SH3BGRL2: variants seen among roughly 807,000 people sequenced by gnomAD.
The protein encoded by SH3BGRL2 is SH3 domain-binding glutamic acid-rich-like protein 2.
Under a neutral mutation model 14.8 loss-of-function variants are expected in SH3BGRL2, and 21 were observed. The observed-to-expected ratio is 1.42, with a 90% CI of 1.01 to 2.05. The LOEUF (loss-of-function observed/expected upper bound fraction) is 2.05. SH3BGRL2 is among the 30% of genes most tolerant of loss of function. The pLI, the probability that SH3BGRL2 is intolerant of heterozygous loss-of-function variation, is 0.00. For missense variants in SH3BGRL2, 147 were observed against 130.8 expected, an observed-to-expected ratio of 1.12 and a Z score of -0.61; for synonymous variants, 50 against 47.8, an observed-to-expected ratio of 1.05 and a Z score of -0.19.
intron 1 of SH3BGRL2, among the ~76,000 whole-genome samples, chr6:79,653,747 A>C (rs1329631450): frequency 2.0e-5 from 3 of 152,198 alleles, no homozygotes; most frequent in African/African-American, 4.8e-5. Flanking sequence ...GCATAAACAC[A>C]TGAAACCGAC....
intron 1 of SH3BGRL2, among the ~76,000 whole-genome samples, chr6:79,665,045 C>G (rs545196374): frequency 2.2e-4 from 34 of 152,116 alleles, no homozygotes; most frequent in African/African-American, 8.0e-4. Flanking sequence ...ACTAAAAATA[C>G]GAAAATTAGC....
chr6:79,629,610 G>A (rs955192572), upstream of SH3BGRL2, among the ~76,000 whole-genome samples: 3 of 152,172 alleles, frequency 2.0e-5, no homozygotes, highest in African/African-American at 7.2e-5. Flanking sequence ...ACTCCTTGCT[G>A]TTCTCCTCAC....
intron 1 of SH3BGRL2, 89 bp from the exon 2 acceptor site, chr6:79,673,525 T>A: frequency 7.6e-7 from 1 of 1,316,882 alleles, no homozygotes; most frequent in East Asian, 2.4e-5. Context: ...TTTTTTTGTA[T>A]CAATGACATA....
chr6:79,676,147 G>T (rs1769878507), intron 2 of SH3BGRL2, among the ~76,000 whole-genome samples: 1 of 152,036 alleles, frequency 6.6e-6, no homozygotes, highest in South Asian at 2.1e-4. Flanking sequence ...CCTGGCTATT[G>T]GAGTTCTGGA....
chr6:79,626,462 G>A (rs988769793), upstream of SH3BGRL2, among the ~76,000 whole-genome samples: 2 of 152,028 alleles, frequency 1.3e-5, no homozygotes, highest in African/African-American at 2.4e-5. Context: ...TTACCTCATC[G>A]GGTTCCAGTC....
At chr6:79,651,386 C>CT (rs1262054446) in intron 1 of SH3BGRL2, among the ~76,000 whole-genome samples, 1 of 152,126 alleles carries the variant, frequency 6.6e-6, no homozygotes, top group Non-Finnish European at 1.5e-5. Flanking sequence ...GCTTGGCTGA[C>CT]TTTTTTCTTT....
At chr6:79,580,083 C>G in the SH3BGRL2 span, among the ~76,000 whole-genome samples, 1 of 152,064 alleles carries the variant, frequency 6.6e-6, no homozygotes, top group Admixed American at 6.6e-5. Context: ...GGATCAATTC[C>G]GCAAGAAGAG....
the SH3BGRL2 span, among the ~76,000 whole-genome samples, chr6:79,616,856 G>A: frequency 6.6e-6 from 1 of 152,170 alleles, no homozygotes; most frequent in Admixed American, 6.5e-5. Context: ...GGAGTGGTTA[G>A]TAATTCATAC....
chr6:79,616,074 C>T, the SH3BGRL2 span, among the ~76,000 whole-genome samples: 1 of 151,926 alleles, frequency 6.6e-6, no homozygotes, highest in Admixed American at 6.6e-5. Context: ...CCTTGGCCTC[C>T]CAAAGTGCTG....
chr6:79,590,199 G>T, the SH3BGRL2 span, among the ~76,000 whole-genome samples: 1 of 151,884 alleles, frequency 6.6e-6, no homozygotes, highest in African/African-American at 2.4e-5. Flanking sequence ...TACACCAATG[G>T]TGGGAATGCA....
intron 2 of SH3BGRL2, among the ~76,000 whole-genome samples, chr6:79,674,419 A>G (rs948091903): frequency 2.0e-5 from 3 of 152,164 alleles, no homozygotes; most frequent in Non-Finnish European, 4.4e-5. Flanking sequence ...TCATCTATTT[A>G]CCTACTTGCG....
At chr6:79,550,775 A>G in the SH3BGRL2 span, among the ~76,000 whole-genome samples, 2 of 152,106 alleles carry the variant, frequency 1.3e-5, no homozygotes, top group South Asian at 4.1e-4. Context: ...TGGCCGAACT[A>G]TTAGTGTCCC....
chr6:79,692,360 A>G (rs1391445950), intron 2 of SH3BGRL2, among the ~76,000 whole-genome samples: 5 of 152,140 alleles, frequency 3.3e-5, no homozygotes, highest in Non-Finnish European at 7.4e-5. Context: ...CTTTAGTTTA[A>G]TTAGATCCCA....
rs1045636046 is a variant in SH3BGRL2, at chr6:79,649,983, TCTCA to T, written c.45+18479_45+18482del. Among the ~76,000 whole-genome samples, 17 of 132,344 alleles carry T rather than the reference TCTCA, an allele frequency of 1.3e-4. No homozygotes were observed. In the South Asian group the frequency reaches 2.0e-3, roughly 16 times the overall value. 86.8% of individuals were successfully genotyped at this position (132,344 alleles called of 152,430 possible). A position where few individuals can be genotyped will look rare whatever the true frequency, so the allele number is the denominator to read the frequency against. ...TTCTTATGTACTCTCTCTCTCTCTC[TCTCA>T]CACACACACACACACACACACACAC... On this transcript the variant is annotated intron_variant, in intron 1 of 3. Transcript: ENST00000369838.
intron 2 of SH3BGRL2, among the ~76,000 whole-genome samples, chr6:79,691,049 GGAGGCT>G (rs2127738268): frequency 6.6e-6 from 1 of 152,192 alleles, no homozygotes; most frequent in Admixed American, 6.5e-5. Flanking sequence ...CAGCTACTCG[GGAGGCT>G]GAGATGGGAG....
the SH3BGRL2 span, among the ~76,000 whole-genome samples, chr6:79,560,491 T>C: frequency 6.6e-6 from 1 of 152,144 alleles, no homozygotes; most frequent in South Asian, 2.1e-4. Flanking sequence ...TAATGTATTA[T>C]GAGCGTGCCT....
At chr6:79,666,399 C>T (rs989974338) in intron 1 of SH3BGRL2, among the ~76,000 whole-genome samples, 2 of 152,220 alleles carry the variant, frequency 1.3e-5, no homozygotes, top group African/African-American at 2.4e-5. Flanking sequence ...GTTTTTTAGA[C>T]TTCACAGGGC....
At chr6:79,584,364 T>C in the SH3BGRL2 span, among the ~76,000 whole-genome samples, 2 of 152,152 alleles carry the variant, frequency 1.3e-5, no homozygotes, top group African/African-American at 4.8e-5. Flanking sequence ...TCCATTTTAA[T>C]GGGTAGTGGG....
At chr6:79,698,539 C>A (rs1770378596) in intron 3 of SH3BGRL2, among the ~76,000 whole-genome samples, 2 of 152,144 alleles carry the variant, frequency 1.3e-5, no homozygotes, top group Non-Finnish European at 2.9e-5. Context: ...ATTGCTCTTA[C>A]TTGGTAGGAG....
Sources: allele counts gnomAD v4.1 joint callset (sites outside exome capture counted in the v4.1 genomes callset), GRCh38; gene constraint gnomAD v4.1.1; transcripts MANE v1.5; gene names NCBI Gene and HGNC (gene_info 2026-07-23, HGNC 2026-07-21).